Variants in PCDH15 observed in about 807,000 individuals in gnomAD.
PCDH15 encodes the protein protocadherin related 15, also known as protocadherin-15.
In PCDH15, 129 loss-of-function variants were observed where a neutral mutation model predicts 178.5. The ratio of observed to expected loss-of-function variants is 0.72; its 90% CI spans 0.63 to 0.84. The LOEUF (loss-of-function observed/expected upper bound fraction) is 0.84, where lower values mean the gene tolerates loss of function less well. Ranked by LOEUF, PCDH15 falls within the 40% of genes least tolerant of loss-of-function variation. The probability of loss-of-function intolerance (pLI) is 0.00; values close to 1 mark genes in which losing one functional copy is unlikely to be tolerated. For missense variants in PCDH15, 2,230 were observed against 2,099.9 expected, an observed-to-expected ratio of 1.06 and a Z score of -1.21; for synonymous variants, 800 against 732.0, an observed-to-expected ratio of 1.09 and a Z score of -1.50.
intron 8 of PCDH15, among the ~76,000 whole-genome samples, chr10:54,308,303 GTTAAT>G (rs1564925982): frequency 1.3e-5 from 2 of 152,136 alleles, no homozygotes; most frequent in East Asian, 1.9e-4. Context: ...TAGCTCAAAG[GTTAAT>G]TTAAAGTAAT....
chr10:55,003,406 G>A (rs548769021), intron 2 of PCDH15, among the ~76,000 whole-genome samples: 5 of 150,364 alleles, frequency 3.3e-5, no homozygotes, highest in Non-Finnish European at 7.4e-5. Flanking sequence ...TGCATAGAAT[G>A]AACTAATGGA....
chr10:55,240,640 T>G (rs1457496268), intron 1 of PCDH15, among the ~76,000 whole-genome samples: 1 of 152,212 alleles, frequency 6.6e-6, no homozygotes, highest in East Asian at 1.9e-4. Context: ...TTTACTGTTC[T>G]GCAAAACAGT....
chr10:54,168,988 C>T (rs1228958805), intron 13 of PCDH15, among the ~76,000 whole-genome samples: 1 of 152,132 alleles, frequency 6.6e-6, no homozygotes, highest in Non-Finnish European at 1.5e-5. Context: ...ACCGCAGCGG[C>T]CAGGCGTTCC....
At chr10:55,162,726 C>T (rs1167740066) in intron 2 of PCDH15, among the ~76,000 whole-genome samples, 1 of 152,134 alleles carries the variant, frequency 6.6e-6, no homozygotes, top group African/African-American at 2.4e-5. Flanking sequence ...ATTGCGACCT[C>T]TTTCTGGTAA....
intron 17 of PCDH15, among the ~76,000 whole-genome samples, chr10:54,069,286 C>A (rs903659677): frequency 1.3e-5 from 2 of 152,152 alleles, no homozygotes; most frequent in Non-Finnish European, 2.9e-5. Flanking sequence ...TTTTTCTCAT[C>A]CTATTCTTTA....
At chr10:55,290,036 C>T (rs1279137111) in intron 1 of PCDH15, among the ~76,000 whole-genome samples, 2 of 151,416 alleles carry the variant, frequency 1.3e-5, no homozygotes, top group East Asian at 1.9e-4. Context: ...TTCTTGAACT[C>T]CCCAGCCTCC....
At chr10:54,544,949 A>C (rs879388558) in intron 2 of PCDH15, among the ~76,000 whole-genome samples, 4 of 152,140 alleles carry the variant, frequency 2.6e-5, no homozygotes, top group Non-Finnish European at 4.4e-5. Context: ...GGGATTTTCA[A>C]AATTTTTCAA....
intron 2 of PCDH15, among the ~76,000 whole-genome samples, chr10:55,474,104 A>T (rs1840016884): frequency 6.6e-6 from 1 of 152,188 alleles, no homozygotes; most frequent in Non-Finnish European, 1.5e-5. Flanking sequence ...TAAAAAAGTG[A>T]ATATTACCAA....
intron 3 of PCDH15, among the ~76,000 whole-genome samples, chr10:54,414,540 A>G (rs1197463427): frequency 6.6e-6 from 1 of 152,138 alleles, no homozygotes; most frequent in Non-Finnish European, 1.5e-5. Context: ...AATTTTTGAT[A>G]AAGTTAGAAT....
At chr10:54,715,096 A>G (rs932191800) in intron 1 of PCDH15, among the ~76,000 whole-genome samples, 9 of 152,144 alleles carry the variant, frequency 5.9e-5, no homozygotes, top group African/African-American at 2.2e-4. Context: ...AACTATAGTG[A>G]GTTCCACAAA....
chr10:55,348,580 A>G (rs1844824323), intron 2 of PCDH15, among the ~76,000 whole-genome samples: 2 of 152,190 alleles, frequency 1.3e-5, no homozygotes, highest in Non-Finnish European at 2.9e-5. Flanking sequence ...AATACATTAA[A>G]GATACTAAAA....
intron 2 of PCDH15, among the ~76,000 whole-genome samples, chr10:55,573,810 GTA>G (rs1191275812): frequency 6.6e-6 from 1 of 151,808 alleles, no homozygotes; most frequent in African/African-American, 2.4e-5. Flanking sequence ...GTAAAACAAT[GTA>G]TGGTCTATGA....
At chr10:55,277,394 A>T (rs1382719672) in intron 1 of PCDH15, among the ~76,000 whole-genome samples, 1 of 152,084 alleles carries the variant, frequency 6.6e-6, no homozygotes, top group Non-Finnish European at 1.5e-5. Context: ...TGGTTTCTGA[A>T]ATCTATCCAC....
intron 26 of PCDH15, among the ~76,000 whole-genome samples, chr10:53,893,421 T>A (rs2133520368): frequency 6.6e-6 from 1 of 152,282 alleles, no homozygotes; most frequent in Non-Finnish European, 1.5e-5. Context: ...TTAAACAGGT[T>A]AAAAGACATG....
intron 2 of PCDH15, among the ~76,000 whole-genome samples, chr10:55,392,571 C>T (rs1362099693): frequency 6.6e-6 from 1 of 152,034 alleles, no homozygotes; most frequent in Non-Finnish European, 1.5e-5. Flanking sequence ...GGAGGAAATA[C>T]ATTTTGATTT....
chr10:55,307,016 A>C (rs1229253780), intron 1 of PCDH15, among the ~76,000 whole-genome samples: 2 of 151,966 alleles, frequency 1.3e-5, no homozygotes, highest in Non-Finnish European at 2.9e-5. Context: ...GTATATATAC[A>C]TTAAGCTTCC....
At chr10:55,093,259 C>CT (rs1842360546) in intron 2 of PCDH15, among the ~76,000 whole-genome samples, 1 of 151,868 alleles carries the variant, frequency 6.6e-6, no homozygotes, top group Admixed American at 6.6e-5. Flanking sequence ...TGTGATGAAC[C>CT]TAGCTACTAC....
chr10:55,517,732 A>G (rs1482837842), intron 2 of PCDH15, among the ~76,000 whole-genome samples: 1 of 152,170 alleles, frequency 6.6e-6, no homozygotes, highest in Admixed American at 6.6e-5. Flanking sequence ...CTAGTAGCCC[A>G]AATTGGTAAC....
intron 1 of PCDH15, among the ~76,000 whole-genome samples, chr10:55,199,678 G>A (rs1840188620): frequency 6.6e-6 from 1 of 152,054 alleles, no homozygotes; most frequent in Admixed American, 6.5e-5. Flanking sequence ...ACAGACCTGG[G>A]GACCTAGGAG....
Sources: allele counts gnomAD v4.1 joint callset (sites outside exome capture counted in the v4.1 genomes callset), GRCh38; gene constraint gnomAD v4.1.1; transcripts MANE v1.5; gene names NCBI Gene and HGNC (gene_info 2026-07-23, HGNC 2026-07-21).